The following PTPRN2 variants were observed in gnomAD, a reference collection of about 807,000 sequenced individuals.
The protein encoded by PTPRN2 is receptor-type tyrosine-protein phosphatase N2.
A neutral mutation model predicts 118.8 loss-of-function variants in PTPRN2; 74 were observed. The observed-to-expected ratio is 0.62, with a 90% CI of 0.52 to 0.76. The LOEUF is 0.76. Ranked by LOEUF, PTPRN2 falls within the 30% of genes least tolerant of loss-of-function variation. The pLI is 0.00. For synonymous variants in PTPRN2, 641 were observed against 608.0 expected (o/e 1.05, Z -0.80); for missense variants, 1,481 against 1,394.4 (o/e 1.06, Z -0.99).
chr7:158,419,480 C>T (rs1158220871), intron 2 of PTPRN2, among the ~76,000 whole-genome samples: 1 of 118,420 alleles, frequency 8.4e-6, no homozygotes, highest in East Asian at 2.1e-4. Context: ...CACGGGGCCT[C>T]GGGACTCTCG....
At position 157,585,906 on chromosome 7, in the gene PTPRN2, G is replaced by A. The variant is rs1019664202; in HGVS notation, c.2497-7766C>T. Among the ~76,000 whole-genome samples, 1 of 152,180 alleles carries A rather than the reference G, an allele frequency of 6.6e-6. No homozygotes were observed. The highest frequency in any genetic ancestry group is 6.5e-5 in the Admixed American group (1 of 15,278). On this transcript the variant is annotated intron_variant, in intron 17 of 22. Transcript: ENST00000389418. This position sits in a 1 kb window ranked among gnomAD's most constrained non-coding sequence, Gnocchi z 5.2. ...CTACTTGAGTCCCATTTTAAATTCCGCATGTGTGCGGCGAGAGACTGACCG... is the reference window on the plus strand; with the variant it reads ...CTACTTGAGTCCCATTTTAAATTCCACATGTGTGCGGCGAGAGACTGACCG...
chr7:158,180,708 T>G (rs1234892635), intron 5 of PTPRN2, among the ~76,000 whole-genome samples: 1 of 152,194 alleles, frequency 6.6e-6, no homozygotes, highest in African/African-American at 2.4e-5. Context: ...GAAGCCCTCG[T>G]ACAGGGGATT....
At chr7:157,961,330 G>C (rs1347469918) in intron 11 of PTPRN2, among the ~76,000 whole-genome samples, 1 of 152,036 alleles carries the variant, frequency 6.6e-6, no homozygotes, top group Non-Finnish European at 1.5e-5. Context: ...CCAGGAGTTC[G>C]AGACCAGCCT....
chr7:158,403,685 C>A (rs1434333675), intron 2 of PTPRN2, among the ~76,000 whole-genome samples: 1 of 152,142 alleles, frequency 6.6e-6, no homozygotes, highest in Non-Finnish European at 1.5e-5. Context: ...ACTGCGAGTG[C>A]CTGGGGTCTG....
chr7:158,132,890 C>A (rs879507957), intron 9 of PTPRN2, among the ~76,000 whole-genome samples: 2 of 152,178 alleles, frequency 1.3e-5, no homozygotes, highest in African/African-American at 4.8e-5. Context: ...CACATACAAA[C>A]GTGTGGGTGT....
chr7:157,668,417 G>A (rs546900176), intron 13 of PTPRN2, among the ~76,000 whole-genome samples: 30 of 152,370 alleles, frequency 2.0e-4, no homozygotes, highest in South Asian at 1.7e-3. Flanking sequence ...GAATGAAGCC[G>A]TGTTGCCCGA....
chr7:157,996,049 TA>T (rs1804703405), intron 11 of PTPRN2, among the ~76,000 whole-genome samples: 1 of 152,252 alleles, frequency 6.6e-6, no homozygotes, highest in African/African-American at 2.4e-5. Context: ...TATTCAGCCA[TA>T]AAAAAGGATG....
intron 12 of PTPRN2, among the ~76,000 whole-genome samples, chr7:157,692,520 A>C (rs1370120804): frequency 1.3e-5 from 2 of 152,112 alleles, no homozygotes; most frequent in Non-Finnish European, 2.9e-5. Context: ...CCCCTGTCTA[A>C]AAGTGGCCGA....
At chr7:158,260,576 CA>C (rs1464014150) in intron 3 of PTPRN2, among the ~76,000 whole-genome samples, 1 of 152,060 alleles carries the variant, frequency 6.6e-6, no homozygotes, top group Non-Finnish European at 1.5e-5. Context: ...TACCCCAAAA[CA>C]AAAGCAAAAC....
intron 13 of PTPRN2, among the ~76,000 whole-genome samples, chr7:157,668,652 C>T (rs1263214009): frequency 6.6e-6 from 1 of 152,182 alleles, no homozygotes; most frequent in African/African-American, 2.4e-5. Context: ...GCCTTCAGCT[C>T]AGAGGGCAAC....
intron 11 of PTPRN2, among the ~76,000 whole-genome samples, chr7:157,943,921 C>CA (rs1315375100): frequency 1.3e-5 from 2 of 152,172 alleles, no homozygotes; most frequent in East Asian, 3.8e-4. Flanking sequence ...TCTGTTTTGA[C>CA]TCCCTATTAT....
intron 11 of PTPRN2, among the ~76,000 whole-genome samples, chr7:157,927,125 C>T (rs1479112228): frequency 2.6e-3 from 348 of 134,594 alleles, no homozygotes; most frequent in African/African-American, 9.9e-3. Context: ...ACAGAGGCCT[C>T]GCATCTTCTG....
intron 11 of PTPRN2, among the ~76,000 whole-genome samples, chr7:158,044,237 G>A (rs1269943247): frequency 1.3e-5 from 2 of 152,280 alleles, no homozygotes; most frequent in East Asian, 3.9e-4. Flanking sequence ...AGGCAGGAGG[G>A]GGAATCCTGA....
chr7:158,266,959 T>A (rs1797926049), intron 3 of PTPRN2, among the ~76,000 whole-genome samples: 3 of 152,050 alleles, frequency 2.0e-5, no homozygotes. Flanking sequence ...CCCAGCTCCC[T>A]CCCACGTCTA....
In PTPRN2 at chr7:158,003,321, GGA is replaced by G. The variant is rs1409386750; in HGVS notation, c.1723+77975_1723+77976del. Among the ~76,000 whole-genome samples, 1 of 150,748 alleles carries G rather than the reference GGA, an allele frequency of 6.6e-6. No individual in the cohort carries two copies. Among genetic ancestry groups the G allele is most frequent in the Admixed American group, 6.6e-5 (1 of 15,092 alleles). ...CCCAGCTACTTGGGAGGCTGAGGCA[GGA>G]GAATGGCATGAACCTGGGAGGCGGA... On this transcript the variant is annotated intron_variant, in intron 11 of 22. Coordinates refer to ENST00000389418, the MANE Select transcript of PTPRN2 (RefSeq NM_002847.5). The surrounding 1 kb of genome is among the most constrained non-coding windows in gnomAD (Gnocchi z 5.0).
At chr7:157,871,354 C>T (rs1811034727) in intron 12 of PTPRN2, among the ~76,000 whole-genome samples, 1 of 152,202 alleles carries the variant, frequency 6.6e-6, no homozygotes, top group African/African-American at 2.4e-5. Flanking sequence ...TGCAGGCTGA[C>T]ATATGAGAAC....
At chr7:157,644,756 T>C (rs1323495552) in intron 14 of PTPRN2, among the ~76,000 whole-genome samples, 3 of 151,324 alleles carry the variant, frequency 2.0e-5, no homozygotes, top group Non-Finnish European at 2.9e-5. Context: ...GATCACACCA[T>C]TGCACTCCAG....
intron 12 of PTPRN2, among the ~76,000 whole-genome samples, chr7:157,783,069 T>C (rs1364618318): frequency 6.6e-6 from 1 of 152,204 alleles, no homozygotes; most frequent in African/African-American, 2.4e-5. Context: ...GGTTTTATCA[T>C]GGGCTTTTCC....
At chr7:158,290,330 G>T (rs765584722) in intron 3 of PTPRN2, among the ~76,000 whole-genome samples, 3 of 152,148 alleles carry the variant, frequency 2.0e-5, no homozygotes, top group Admixed American at 6.5e-5. Context: ...CAGTGCTGGG[G>T]CCTACCAGGA....
Sources: allele counts gnomAD v4.1 joint callset (sites outside exome capture counted in the v4.1 genomes callset), GRCh38; gene constraint gnomAD v4.1.1; non-coding constraint Gnocchi (gnomAD v3.1); transcripts MANE v1.5; gene names NCBI Gene and HGNC (gene_info 2026-07-23, HGNC 2026-07-21).